The following ESR1 variants were observed in gnomAD, a reference collection of about 807,000 sequenced individuals.
ESR1 encodes the protein estrogen receptor 1.
In ESR1, 12 loss-of-function variants were observed where a neutral mutation model predicts 52.7. The ratio of observed to expected loss-of-function variants is 0.23; its 90% CI spans 0.15 to 0.37. The LOEUF (loss-of-function observed/expected upper bound fraction) is 0.37. Ranked by LOEUF, ESR1 falls within the 10% of genes least tolerant of loss-of-function variation. The pLI is 1.00. For synonymous variants in ESR1, 305 were observed against 316.8 expected (o/e 0.96, Z 0.39); for missense variants, 584 against 779.7 (o/e 0.75, Z 2.99).
chr6:152,070,656 C>T (rs940421755), intron 6 of ESR1, among the ~76,000 whole-genome samples: 6 of 138,574 alleles, frequency 4.3e-5, no homozygotes, highest in Non-Finnish European at 7.5e-5. Context: ...CCAACTGCTT[C>T]TCTTGGGCTG....
chr6:151,733,389 T>C (rs892564045), intron 2 of ESR1, among the ~76,000 whole-genome samples: 1 of 152,218 alleles, frequency 6.6e-6, no homozygotes, highest in African/African-American at 2.4e-5. Flanking sequence ...TGCTTAATTG[T>C]ATGTTTCTTG....
chr6:151,715,158 A>T (rs1780930799), intron 2 of ESR1, among the ~76,000 whole-genome samples: 1 of 152,218 alleles, frequency 6.6e-6, no homozygotes, highest in African/African-American at 2.4e-5. Flanking sequence ...AATGTTGAAT[A>T]TTGGCCCCCA....
At chr6:151,995,415 A>G (rs1192509310) in intron 4 of ESR1, among the ~76,000 whole-genome samples, 1 of 152,120 alleles carries the variant, frequency 6.6e-6, no homozygotes, top group Non-Finnish European at 1.5e-5. Context: ...GAGCACTTAC[A>G]TGACAGGAAG....
intron 2 of ESR1, among the ~76,000 whole-genome samples, chr6:151,710,923 G>A (rs926288285): frequency 7.9e-5 from 12 of 152,114 alleles, no homozygotes; most frequent in African/African-American, 2.9e-4. Context: ...GTGTATATGT[G>A]CCACATTTTC....
chr6:151,691,429 T>C (rs1778933387), intron 1 of ESR1, among the ~76,000 whole-genome samples: 1 of 152,220 alleles, frequency 6.6e-6, no homozygotes, highest in Non-Finnish European at 1.5e-5. Flanking sequence ...CTCGCTGAAC[T>C]GTAAGTTTCA....
At chr6:151,902,576 G>A (rs1269213763) in intron 3 of ESR1, among the ~76,000 whole-genome samples, 1 of 152,214 alleles carries the variant, frequency 6.6e-6, no homozygotes, top group Non-Finnish European at 1.5e-5. Context: ...AGTCTTAGCT[G>A]TTGGAATCAG....
At chr6:152,072,537 G>A (rs916614171) in intron 6 of ESR1, among the ~76,000 whole-genome samples, 5 of 152,284 alleles carry the variant, frequency 3.3e-5, no homozygotes, top group East Asian at 1.9e-4. Context: ...ACTGAACATG[G>A]GGTTTTGCTA....
At chr6:151,923,648 A>G (rs903339698) in intron 3 of ESR1, among the ~76,000 whole-genome samples, 4 of 152,160 alleles carry the variant, frequency 2.6e-5, no homozygotes, top group African/African-American at 9.6e-5. Flanking sequence ...ATATATTTTC[A>G]TGGTCTGATA....
At chr6:152,076,815 AAG>A (rs1315882825) in intron 6 of ESR1, among the ~76,000 whole-genome samples, 2 of 152,228 alleles carry the variant, frequency 1.3e-5, no homozygotes, top group Non-Finnish European at 2.9e-5. Flanking sequence ...TACCTGGTAA[AAG>A]AAATTTCTAA....
intron 5 of ESR1, among the ~76,000 whole-genome samples, chr6:152,042,353 T>G (rs1036023450): frequency 2.6e-5 from 4 of 152,200 alleles, no homozygotes; most frequent in Admixed American, 1.3e-4. Flanking sequence ...ATTAATTAAC[T>G]GATCTCCAAA....
intron 4 of ESR1, among the ~76,000 whole-genome samples, chr6:152,003,430 A>G (rs938288693): frequency 2.0e-5 from 3 of 151,580 alleles, no homozygotes; most frequent in Non-Finnish European, 4.4e-5. Context: ...AAAGTCTCCT[A>G]TGAGGTACCT....
intron 1 of ESR1, among the ~76,000 whole-genome samples, chr6:151,819,411 G>A (rs3892535): frequency 0.032 from 4,892 of 152,292 alleles, 154 homozygotes; most frequent in South Asian, 0.15. Flanking sequence ...TGAGCAGTGG[G>A]CATGCAAGTG....
chr6:152,096,561 A>T (rs1173367844), intron 7 of ESR1: 4 of 447,630 alleles, frequency 8.9e-6, no homozygotes, highest in Non-Finnish European at 4.5e-6. Context: ...GAAATGAGGG[A>T]ATGAATGGAT....
At chr6:152,010,031 A>G (rs528227628) in intron 4 of ESR1, among the ~76,000 whole-genome samples, 1 of 152,246 alleles carries the variant, frequency 6.6e-6, no homozygotes, top group South Asian at 2.1e-4. Context: ...TAACAGTGGC[A>G]ATGAAAAAGG....
intron 5 of ESR1, among the ~76,000 whole-genome samples, chr6:152,033,590 T>G (rs562357443): frequency 6.6e-6 from 1 of 152,188 alleles, no homozygotes; most frequent in East Asian, 1.9e-4. Flanking sequence ...AAAACCACAA[T>G]GAGATACCAT....
At chr6:151,968,901 C>T (rs73628439) in intron 4 of ESR1, among the ~76,000 whole-genome samples, 9,926 of 152,128 alleles carry the variant, frequency 0.065, 847 homozygotes, top group African/African-American at 0.2. Context: ...ATTTGTATCC[C>T]TCTTTCCGTC....
At chr6:152,108,509 T>G (rs1288114236) in intron 6 of ESR1, among the ~76,000 whole-genome samples, 1 of 152,232 alleles carries the variant, frequency 6.6e-6, no homozygotes, top group Non-Finnish European at 1.5e-5. Context: ...GGAGTGAGGA[T>G]TTACCAATAC....
chr6:151,793,598 T>C (rs770826385), intron 2 of ESR1, among the ~76,000 whole-genome samples: 18 of 152,256 alleles, frequency 1.2e-4, no homozygotes, highest in Non-Finnish European at 2.2e-4. Context: ...ACCACACACG[T>C]GAGTAATGTG....
chr6:151,704,427 T>G (rs962133556), intron 2 of ESR1, among the ~76,000 whole-genome samples: 1 of 152,024 alleles, frequency 6.6e-6, no homozygotes, highest in African/African-American at 2.4e-5. Context: ...TTAGTAGAGA[T>G]AGAGACAGGG....
Sources: gnomAD v4.1 joint callset for allele counts (sites outside exome capture counted in the v4.1 genomes callset) on GRCh38, gnomAD v4.1.1 for gene constraint, MANE v1.5 for transcripts, NCBI Gene and HGNC (gene_info 2026-07-23, HGNC 2026-07-21) for gene names.